PDILT: variants seen among roughly 807,000 people sequenced by gnomAD.
PDILT encodes protein disulfide-isomerase-like protein of the testis.
PDILT carries 43 observed loss-of-function variants against 53.7 expected under a neutral mutation model. That is an observed-to-expected ratio of 0.80 (90% confidence interval 0.63 to 1.03). The LOEUF is 1.03. Among genes scored for constraint, PDILT ranks in the 50% least tolerant of loss-of-function variants. The pLI is 0.00. For synonymous variants in PDILT, 282 were observed against 274.2 expected (o/e 1.03, Z -0.28); for missense variants, 727 against 712.3 (o/e 1.02, Z -0.24).
At chr16:20,381,626 C>T (rs1269030341) in intron 3 of PDILT, among the ~76,000 whole-genome samples, 1 of 141,632 alleles carries the variant, frequency 7.1e-6, no homozygotes, top group Non-Finnish European at 1.5e-5. Flanking sequence ...AACAGTGAGA[C>T]TCCATCTCAA....
At chr16:20,362,184 T>C (rs1966113621) in intron 10 of PDILT, among the ~76,000 whole-genome samples, 1 of 152,124 alleles carries the variant, frequency 6.6e-6, no homozygotes, top group Non-Finnish European at 1.5e-5. Flanking sequence ...AGTGGTTGGG[T>C]CAGGGATATG....
chr16:20,374,929 A>G lies in PDILT; in HGVS notation c.574T>C (p.Tyr192His), dbSNP rs753031009. The change falls in exon 5 of 12, where the codon TAT becomes CAT. Residue 192 changes from tyrosine to histidine, a missense_variant. Coordinates refer to ENST00000302451, the MANE Select transcript of PDILT (RefSeq NM_174924.2). Reference sequence around the variant, plus strand: ...TCTGGAAAGTCTTTGATCACATCATAGAACAACTCTGCTACTTCTTCCTCT... The same window carrying G: ...TCTGGAAAGTCTTTGATCACATCATGGAACAACTCTGCTACTTCTTCCTCT... ...DLEEEVAELF[Y>H]DVIKDFPELT... is the part of the protein sequence containing the mutation. The G allele has an allele frequency of 9.9e-6, 16 of 1,613,048 alleles. No homozygotes were observed. The highest frequency in any genetic ancestry group is 1.2e-5 in the Non-Finnish European group (14 of 1,179,428).
In PDILT at chr16:20,372,918, G is replaced by C; in HGVS notation, c.802C>G (p.Leu268Val). The C allele has an allele frequency of 6.2e-7, 1 of 1,614,076 alleles. No homozygotes were observed. Among genetic ancestry groups the C allele is most frequent in the Non-Finnish European group, 8.5e-7 (1 of 1,179,956 alleles). ...VIEYNTENKDLISELHIMSHM... is the reference protein window; with the variant it reads ...VIEYNTENKDVISELHIMSHM... ...CTCATGATGTGCAACTCGGAAATCA[G>C]ATCCTTATTCTGAAATGACCAGGAA... Residue 268 changes from leucine to valine, a missense_variant, in exon 7 of 12, where the codon CTG becomes GTG. By Grantham distance (32) the Leu-to-Val change is conservative. Transcript: ENST00000302451.
intron 7 of PDILT, among the ~76,000 whole-genome samples, chr16:20,371,863 C>G (rs977391183): frequency 7.9e-5 from 12 of 151,772 alleles, no homozygotes; most frequent in African/African-American, 2.4e-4. Flanking sequence ...ATATATTTAA[C>G]AAGAGGAATT....
chr16:20,394,919 C>A (rs185292101), intron 2 of PDILT, among the ~76,000 whole-genome samples: 1 of 152,278 alleles, frequency 6.6e-6, no homozygotes, highest in East Asian at 1.9e-4. Flanking sequence ...ATGATATGGA[C>A]CCTTATGAAC....
chr16:20,391,793 C>T (rs1299572568), intron 2 of PDILT, among the ~76,000 whole-genome samples: 1 of 151,814 alleles, frequency 6.6e-6, no homozygotes, highest in Non-Finnish European at 1.5e-5. Flanking sequence ...GCAGTGGGAG[C>T]ATAGGAAGGC....
At chr16:20,380,666 C>T (rs758845531) in intron 3 of PDILT, among the ~76,000 whole-genome samples, 1 of 152,186 alleles carries the variant, frequency 6.6e-6, no homozygotes, top group South Asian at 2.1e-4. Flanking sequence ...TTGAGTCTAT[C>T]CCTTCTTGAA....
intron 1 of PDILT, among the ~76,000 whole-genome samples, chr16:20,401,143 A>G (rs1966735115): frequency 6.6e-6 from 1 of 152,146 alleles, no homozygotes; most frequent in Admixed American, 6.5e-5. Flanking sequence ...AATGATACAG[A>G]CCATTTAAAT....
intron 2 of PDILT, among the ~76,000 whole-genome samples, chr16:20,392,394 C>T (rs1047185940): frequency 2.0e-5 from 3 of 152,172 alleles, no homozygotes; most frequent in Admixed American, 1.3e-4. Context: ...GCTCCCCCAA[C>T]CACTGGCTCT....
chr16:20,360,138 T>C (rs1966076299), intron 11 of PDILT, among the ~76,000 whole-genome samples: 1 of 151,596 alleles, frequency 6.6e-6, no homozygotes, highest in African/African-American at 2.4e-5. Context: ...AAGCAAAGAG[T>C]AGTGTCTGAA....
chr16:20,364,913 C>T (rs981572754), intron 9 of PDILT, among the ~76,000 whole-genome samples: 1 of 152,160 alleles, frequency 6.6e-6, no homozygotes, highest in African/African-American at 2.4e-5. Context: ...TCCTGTACAG[C>T]AGTTAGGAGT....
intron 8 of PDILT, among the ~76,000 whole-genome samples, chr16:20,368,932 A>G (rs1966260066): frequency 6.6e-6 from 1 of 152,142 alleles, no homozygotes; most frequent in Non-Finnish European, 1.5e-5. Context: ...GAAAATTAAT[A>G]ATATGGTTAC....
In PDILT at chr16:20,363,894, C is replaced by T. The variant is rs146412797; in HGVS notation, c.1238-1312G>A. Among the ~76,000 whole-genome samples, 156 of 152,182 alleles carry T rather than the reference C, an allele frequency of 1.0e-3. 1 individual carries two copies. The highest frequency in any genetic ancestry group is 3.5e-3 in the African/African-American group (147 of 41,500). ...CTGGAAACCAGAGACCAGCTCCAAC[C>T]CAAGGGAAAGCAAATCTTTCCTGCT... On this transcript the variant is annotated intron_variant, in intron 9 of 11. Coordinates refer to ENST00000302451, the MANE Select transcript of PDILT (RefSeq NM_174924.2).
Position 20,368,137 on chromosome 16 carries a change from C to T in PDILT, c.1116+1355G>A, listed in dbSNP as rs533133672. On this transcript the variant is annotated intron_variant, in intron 8 of 11. Transcript: ENST00000302451. ...AGGCATTGGGAGGTACTGCAATCTC[C>T]GGGTTGTGGGCATGGGAGCAGGGAG... Among the ~76,000 whole-genome samples the T allele has an allele frequency of 2.2e-4, 34 of 152,152 alleles. No homozygotes were observed. In the South Asian group the frequency reaches 4.6e-3, roughly 20 times the overall value.
At chr16:20,362,734 T>C (rs1021597035) in intron 9 of PDILT, 152 bp from the exon 10 acceptor site, 4 of 666,168 alleles carry the variant, frequency 6.0e-6, no homozygotes, top group Admixed American at 3.1e-5. Context: ...TAGATTATTT[T>C]TACATTTCAG....
At chr16:20,362,651 A>C in intron 9 of PDILT, 69 bp from the exon 10 acceptor site, 1 of 1,490,370 alleles carries the variant, frequency 6.7e-7, no homozygotes, top group Non-Finnish European at 9.3e-7. Context: ...CACCCTACAC[A>C]TGGCATCGCT....
Position 20,369,512 on chromosome 16 carries a change from A to C in PDILT, c.1096T>G (p.Phe366Val), listed in dbSNP as rs778175156. 6.2e-7 allele frequency: 1 copy of C among 1,614,172 alleles called. No individual in the cohort carries two copies. The highest frequency in any genetic ancestry group is 8.5e-7 in the Non-Finnish European group (1 of 1,179,976). The change falls in exon 8 of 12, where the codon TTC (phenylalanine) becomes GTC (valine). Residue 366 changes from phenylalanine (F) to valine (V), a missense_variant. Phe to Val is a conservative substitution (Grantham distance 50). Transcript: ENST00000302451. Reference protein sequence around the residue: ...YESLKKFGRSFLSKNATKHQS... With the variant: ...YESLKKFGRSVLSKNATKHQS... The stretch of plus-strand genomic sequence containing the variant: ...CCTACTGTGGCATTTTTACTCAGGA[A>C]GCTGCGGCCAAATTTCTTGAGGCTT...
intron 3 of PDILT, among the ~76,000 whole-genome samples, chr16:20,378,042 C>T (rs1339001174): frequency 6.6e-6 from 1 of 152,076 alleles, no homozygotes; most frequent in Admixed American, 6.6e-5. Context: ...CTAGGAGAAA[C>T]AGCCTATACA....
intron 2 of PDILT, among the ~76,000 whole-genome samples, chr16:20,398,799 T>C (rs1281857022): frequency 6.6e-6 from 1 of 152,172 alleles, no homozygotes; most frequent in East Asian, 1.9e-4. Flanking sequence ...GGAGAAAGAC[T>C]GAGGCTCGGA....
Sources: allele counts gnomAD v4.1 joint callset (sites outside exome capture counted in the v4.1 genomes callset), GRCh38; gene constraint gnomAD v4.1.1; transcripts MANE v1.5; gene names NCBI Gene and HGNC (gene_info 2026-07-23, HGNC 2026-07-21).